The following ABCA10 variants were observed in gnomAD, a reference collection of about 807,000 sequenced individuals.
ABCA10 encodes ATP binding cassette subfamily A member 10, also known as ATP-binding cassette sub-family A member 10.
ABCA10 carries 169 observed loss-of-function variants against 187.5 expected under a neutral mutation model. The ratio of observed to expected loss-of-function variants is 0.90; its 90% CI spans 0.80 to 1.02. ABCA10 has a LOEUF of 1.02. Among genes scored for constraint, ABCA10 ranks in the 50% least tolerant of loss-of-function variants. ABCA10 has a pLI of 0.00. For missense variants in ABCA10, 1,727 were observed against 1,812.4 expected, an observed-to-expected ratio of 0.95 and a Z score of 0.86; for synonymous variants, 574 against 601.8, an observed-to-expected ratio of 0.95 and a Z score of 0.68.
chr17:69,183,158 G>A (rs1466776015), intron 20 of ABCA10, among the ~76,000 whole-genome samples: 21 of 152,282 alleles, frequency 1.4e-4, no homozygotes. Context: ...TGTAATATTT[G>A]TAATTATGAA....
At chr17:69,199,787 C>A (rs1334391306) in intron 10 of ABCA10, among the ~76,000 whole-genome samples, 1 of 152,078 alleles carries the variant, frequency 6.6e-6, no homozygotes, top group Non-Finnish European at 1.5e-5. Context: ...TTCGGCCTGA[C>A]AAAAGAGGAA....
chr17:69,214,634 A>G, intron 9 of ABCA10, 70 bp downstream of exon 9: 3 of 1,259,794 alleles, frequency 2.4e-6, no homozygotes, highest in South Asian at 4.1e-5. Flanking sequence ...TTACAAATAA[A>G]CAGATATTAA....
chr17:69,179,283 T>C (rs1039512005), intron 22 of ABCA10, among the ~76,000 whole-genome samples: 1 of 152,078 alleles, frequency 6.6e-6, no homozygotes, highest in African/African-American at 2.4e-5. Flanking sequence ...ACCTAACATG[T>C]TGGAGCAATC....
rs1974577 is a variant in ABCA10 at position 69,148,543 on chromosome 17, T to C, written c.*284A>G. ...TGTTAGCTTTATTGATAATAACCGA[T>C]AACCAACCTAATATTGTATGATTTT... On this transcript the variant is annotated 3_prime_UTR_variant, in exon 39 of 39. Transcript: ENST00000690296. 2 of 246,592 alleles carry C rather than the reference T, an allele frequency of 8.1e-6. No homozygotes were observed. The highest frequency in any genetic ancestry group is 1.6e-5 in the Non-Finnish European group (2 of 128,936). The allele number at this position is 246,592 out of a possible 1,614,324, so 15.3% of individuals were successfully genotyped here.
At position 69,223,667 on chromosome 17, in the gene ABCA10, G is replaced by A. The variant is rs142860265; in HGVS notation, c.35-970C>T. On this transcript the variant is annotated intron_variant, in intron 3 of 38. Transcript: ENST00000690296. ...CATCCTTCCCAATATAGAGTCAGGCGGTGAAACTTTTATGAGGACAGTGCT... is the reference window on the plus strand; with the variant it reads ...CATCCTTCCCAATATAGAGTCAGGCAGTGAAACTTTTATGAGGACAGTGCT... 1,181 of 449,246 alleles carry A rather than the reference G, an allele frequency of 2.6e-3. 10 individuals are homozygous for A. Among genetic ancestry groups the A allele is most frequent in the Non-Finnish European group, 4.0e-3 (897 of 224,064 alleles). The allele number at this position is 449,246 out of a possible 1,614,324, so 27.8% of individuals were successfully genotyped here. A position where few individuals can be genotyped will look rare whatever the true frequency, so the allele number is the denominator to read the frequency against.
intron 6 of ABCA10, among the ~76,000 whole-genome samples, chr17:69,217,512 T>C (rs1213738864): frequency 6.6e-6 from 1 of 151,910 alleles, no homozygotes; most frequent in Admixed American, 6.6e-5. Flanking sequence ...ACAACCCATA[T>C]CTCCTCCAAA....
intron 5 of ABCA10, among the ~76,000 whole-genome samples, chr17:69,220,908 C>T (rs1191142778): frequency 6.6e-6 from 1 of 152,146 alleles, no homozygotes; most frequent in Non-Finnish European, 1.5e-5. Context: ...ACACATTTGG[C>T]CCCCAGAGCC....
At chr17:69,166,940 TG>T (rs2074258633) in intron 25 of ABCA10, among the ~76,000 whole-genome samples, 1 of 152,130 alleles carries the variant, frequency 6.6e-6, no homozygotes, top group South Asian at 2.1e-4. Context: ...CAAATGCAGT[TG>T]GGTTGATGAT....
chr17:69,214,587 A>T (rs1598120571), intron 9 of ABCA10, 117 bp downstream of exon 9: 1 of 916,504 alleles, frequency 1.1e-6, no homozygotes, highest in African/African-American at 1.7e-5. Flanking sequence ...ATTGTTTTGA[A>T]ATTTTTTCTT....
intron 27 of ABCA10, among the ~76,000 whole-genome samples, chr17:69,162,838 C>CATATACATATATATATAT (rs375141032): frequency 4.1e-5 from 5 of 120,836 alleles, no homozygotes; most frequent in African/African-American, 1.9e-4. Context: ...TATACATATA[C>CATATACATATATATATAT]ATATATATAT....
upstream of ABCA10, chr17:69,233,082 C>T (rs1316964907): frequency 6.6e-6 from 1 of 152,016 alleles, no homozygotes; most frequent in Non-Finnish European, 1.5e-5. Context: ...TGTGATCTTC[C>T]AGTTCCTGTA....
chr17:69,237,378 A>C lies in ABCA10; in HGVS notation c.-593+7151T>G, dbSNP rs543729048. ...AAGCTCTTCTTAATCAGCTCTGGCA[A>C]AGATAGCACATCTGGTTAATCTACT... On this transcript the variant is annotated intron_variant, in intron 1 of 39. Transcript: ENST00000269081. 1.5e-4 allele frequency among the ~76,000 whole-genome samples: 23 copies of C among 152,336 alleles called. No individual in the cohort carries two copies. In the South Asian group the frequency reaches 4.6e-3, roughly 30 times the overall value.
intron 1 of ABCA10, among the ~76,000 whole-genome samples, chr17:69,235,422 A>T (rs2144864342): frequency 6.6e-6 from 1 of 152,150 alleles, no homozygotes; most frequent in Middle Eastern, 3.4e-3. Context: ...CCTCTGGCTC[A>T]CCCCTCTTAC....
At chr17:69,214,143 G>A (rs1026452449) in intron 9 of ABCA10, among the ~76,000 whole-genome samples, 1 of 152,066 alleles carries the variant, frequency 6.6e-6, no homozygotes, top group Non-Finnish European at 1.5e-5. Context: ...AACACATACC[G>A]ACACACATAC....
intron 19 of ABCA10, among the ~76,000 whole-genome samples, chr17:69,187,304 G>C (rs1358543501): frequency 6.6e-6 from 1 of 152,082 alleles, no homozygotes; most frequent in Non-Finnish European, 1.5e-5. Context: ...GAGGCATGAA[G>C]AGATATCTGT....
intron 23 of ABCA10, 26 bp downstream of exon 23, chr17:69,175,380 T>C (rs1398063874): frequency 5.7e-6 from 9 of 1,571,058 alleles, no homozygotes; most frequent in Non-Finnish European, 7.8e-6. Context: ...TCAATCTCAA[T>C]CTAATTTCCT....
At chr17:69,240,806 T>C (rs1025271399) in intron 1 of ABCA10, among the ~76,000 whole-genome samples, 3 of 152,210 alleles carry the variant, frequency 2.0e-5, no homozygotes, top group Non-Finnish European at 4.4e-5. Flanking sequence ...TTTCAGTTCT[T>C]CAGTAGCTAA....
chr17:69,224,864 T>C (rs1297372015), intron 3 of ABCA10, among the ~76,000 whole-genome samples: 2 of 152,280 alleles, frequency 1.3e-5, no homozygotes, highest in Admixed American at 6.5e-5. Flanking sequence ...AGCTTGAGTT[T>C]GAATTTCAAA....
intron 19 of ABCA10, 87 bp from the exon 20 acceptor site, chr17:69,185,730 T>C (rs940769773): frequency 9.0e-7 from 1 of 1,109,388 alleles, no homozygotes; most frequent in Non-Finnish European, 1.3e-6. Context: ...GTGCTAACTA[T>C]GGAAAGTCCA....
Sources: allele counts gnomAD v4.1 joint callset (sites outside exome capture counted in the v4.1 genomes callset), GRCh38; gene constraint gnomAD v4.1.1; transcripts MANE v1.5; gene names NCBI Gene and HGNC (gene_info 2026-07-23, HGNC 2026-07-21).